Variants in CCDC88C observed in about 807,000 individuals in gnomAD.
CCDC88C encodes the protein coiled-coil and HOOK domain protein 88C, also known as protein Daple.
Under a neutral mutation model 198.8 loss-of-function variants are expected in CCDC88C, and 131 were observed. That is an observed-to-expected ratio of 0.66 (90% confidence interval 0.57 to 0.76). The LOEUF (loss-of-function observed/expected upper bound fraction) is 0.76. Among genes scored for constraint, CCDC88C ranks in the 30% least tolerant of loss-of-function variants. CCDC88C has a pLI of 0.00. For missense variants in CCDC88C, 2,553 were observed against 2,631.6 expected (o/e 0.97, Z 0.65); for synonymous variants, 1,166 against 1,114.7 (o/e 1.05, Z -0.92).
At chr14:91,308,330 C>T (rs1327417529) in intron 17 of CCDC88C, 21 bp downstream of exon 17, 2 of 1,612,868 alleles carry the variant, frequency 1.2e-6, no homozygotes, top group Non-Finnish European at 1.7e-6. Context: ...CTGGGCCCCA[C>T]AGTGCAACCT....
At position 91,313,415 on chromosome 14, in the gene CCDC88C, G is replaced by A. The variant is rs760958028; in HGVS notation, c.2401C>T (p.Arg801Trp). ...GCCAGCCGGAGGGCCTCCAGGTCCC[G>A]CCGCAGCGCCTGGCGCTCAGCCTCC... ...ELEAERQALR[R>W]DLEALRLANA... The change falls in exon 15 of 30, where the codon CGG (arginine) becomes TGG (tryptophan). Residue 801 changes from arginine (R) to tryptophan (W), a missense_variant. Coordinates refer to ENST00000389857, the MANE Select transcript of CCDC88C (RefSeq NM_001080414.4). This position sits in a 1 kb window ranked among gnomAD's most constrained non-coding sequence, Gnocchi z 5.2. The A allele has an allele frequency of 5.6e-6, 9 of 1,607,298 alleles. No homozygotes were observed. The highest frequency in any genetic ancestry group is 1.6e-4 in the Middle Eastern group (1 of 6,062).
At chr14:91,335,238 C>G (rs930441892) in intron 10 of CCDC88C, among the ~76,000 whole-genome samples, 2 of 152,146 alleles carry the variant, frequency 1.3e-5, no homozygotes, top group Admixed American at 6.5e-5. Context: ...CTTGGGGCCA[C>G]GTAGCCTGAG....
chr14:91,293,481 CTCA>C (rs1890816396), intron 23 of CCDC88C, among the ~76,000 whole-genome samples: 3 of 142,516 alleles, frequency 2.1e-5, no homozygotes, highest in Middle Eastern at 3.5e-3. Context: ...CCTGCCACAG[CTCA>C]CCTTCCCATC....
intron 3 of CCDC88C, among the ~76,000 whole-genome samples, chr14:91,364,714 AG>A (rs1240334588): frequency 6.6e-6 from 1 of 152,194 alleles, no homozygotes. Flanking sequence ...GGTGTCAACA[AG>A]CCTCCATTCC....
chr14:91,272,894 T>A lies in CCDC88C; in HGVS notation c.5818A>T (p.Lys1940Ter), dbSNP rs769459157. The change falls in exon 30 of 30, where the codon AAG becomes TAG. Residue 1940 changes from lysine (K) to a stop codon, truncating the protein, a stop_gained. Coordinates refer to ENST00000389857, the MANE Select transcript of CCDC88C (RefSeq NM_001080414.4). LOFTEE classifies it low-confidence loss of function (END_TRUNC). Reference protein sequence around the residue: ...SPAAAPAARTKPKAPPRSGEV... With the variant: ...SPAAAPAART ...CCTGAGCGTGGGGGCGCCTTGGGCT[T>A]GGTCCTGGCAGCCGGGGCTGCAGCA... is the stretch of plus-strand genomic sequence containing the variant. 6.3e-7 allele frequency: 1 copy of A among 1,586,398 alleles called. No homozygotes were observed. The highest frequency in any genetic ancestry group is 1.1e-5 in the South Asian group (1 of 88,612).
chr14:91,296,035 G>A (rs1034449454), intron 22 of CCDC88C, among the ~76,000 whole-genome samples: 4 of 152,316 alleles, frequency 2.6e-5, no homozygotes, highest in Non-Finnish European at 4.4e-5. Context: ...CACGGATCAT[G>A]GACGTCCAGC....
At chr14:91,413,778 C>T (rs1886909520) in intron 2 of CCDC88C, among the ~76,000 whole-genome samples, 1 of 152,148 alleles carries the variant, frequency 6.6e-6, no homozygotes, top group Non-Finnish European at 1.5e-5. Context: ...AGTCACGTGA[C>T]CCCCAGCCAA....
intron 29 of CCDC88C, 135 bp downstream of exon 29, chr14:91,277,787 A>T: frequency 1.0e-6 from 1 of 980,436 alleles, no homozygotes; most frequent in Non-Finnish European, 1.4e-6. Flanking sequence ...TGCTCTAGTC[A>T]GCCTCTCATG....
intron 22 of CCDC88C, among the ~76,000 whole-genome samples, chr14:91,294,544 G>A (rs1339378974): frequency 6.6e-6 from 1 of 152,254 alleles, no homozygotes; most frequent in Non-Finnish European, 1.5e-5. Flanking sequence ...CATGGCTACT[G>A]AGCAGTAAAA....
In CCDC88C at chr14:91,339,850, C is replaced by T. The variant is rs1473760904; in HGVS notation, c.624+34G>A. ...GAGATGAAGGGGCCTAAGCCCCTTC[C>T]CAGGCTGACCGGGCCACCGACCCGC... On this transcript the variant is annotated intron_variant, in intron 7 of 29. Transcript: ENST00000389857. The surrounding 1 kb of genome is among the most constrained non-coding windows in gnomAD (Gnocchi z 5.8). 1.3e-6 allele frequency: 2 copies of T among 1,557,564 alleles called. No homozygotes were observed. The highest frequency in any genetic ancestry group is 2.2e-4 in the Middle Eastern group (1 of 4,446).
intron 3 of CCDC88C, among the ~76,000 whole-genome samples, chr14:91,374,770 A>C (rs575380685): frequency 1.3e-4 from 20 of 152,242 alleles, no homozygotes; most frequent in Non-Finnish European, 2.4e-4. Flanking sequence ...GAAGTCTCAC[A>C]CAAGTAACTC....
At chr14:91,350,012 T>C (rs1172322805) in intron 4 of CCDC88C, among the ~76,000 whole-genome samples, 1 of 152,146 alleles carries the variant, frequency 6.6e-6, no homozygotes, top group African/African-American at 2.4e-5. Flanking sequence ...AGAATCCTTC[T>C]GAACACAGCC....
intron 27 of CCDC88C, 40 bp from the exon 28 acceptor site, chr14:91,279,346 A>G: frequency 6.6e-7 from 1 of 1,523,470 alleles, no homozygotes. Context: ...AAAGCCAATG[A>G]CCAGGTATAT....
chr14:91,384,292 A>G, intron 3 of CCDC88C: 6 of 212,246 alleles, frequency 2.8e-5, no homozygotes, highest in Admixed American at 6.4e-5. Context: ...TTTTTTTTGT[A>G]TTTGAAATTT....
chr14:91,370,321 C>T (rs1894735222), intron 3 of CCDC88C, among the ~76,000 whole-genome samples: 2 of 152,344 alleles, frequency 1.3e-5, no homozygotes, highest in Middle Eastern at 3.4e-3. Context: ...ATCTTTATGG[C>T]GTTAACTCGG....
intron 4 of CCDC88C, among the ~76,000 whole-genome samples, chr14:91,345,189 TA>T (rs1303388168): frequency 0.18 from 12,240 of 68,516 alleles, 912 homozygotes; most frequent in Non-Finnish European, 0.19. Context: ...TATATATATA[TA>T]TTTTTTTTTT....
chr14:91,370,873 CAG>C (rs1399979797), intron 3 of CCDC88C, among the ~76,000 whole-genome samples: 1 of 152,210 alleles, frequency 6.6e-6, no homozygotes. Flanking sequence ...CAAAAAATGA[CAG>C]AGGCGTAGCC....
At chr14:91,330,413 G>A (rs1326532788) in intron 10 of CCDC88C, among the ~76,000 whole-genome samples, 1 of 152,204 alleles carries the variant, frequency 6.6e-6, no homozygotes. Flanking sequence ...GAGCCATGGA[G>A]AGTGGCTGCA....
chr14:91,375,295 G>T (rs1884334167), intron 3 of CCDC88C, among the ~76,000 whole-genome samples: 2 of 152,186 alleles, frequency 1.3e-5, no homozygotes, highest in African/African-American at 4.8e-5. Context: ...GTGGGAGAGA[G>T]AGAGACAGGC....
Sources: allele counts gnomAD v4.1 joint callset (sites outside exome capture counted in the v4.1 genomes callset), GRCh38; gene constraint gnomAD v4.1.1; non-coding constraint Gnocchi (gnomAD v3.1); transcripts MANE v1.5; gene names NCBI Gene and HGNC (gene_info 2026-07-23, HGNC 2026-07-21).